The following DRC10 variants were observed in gnomAD, a reference collection of about 807,000 sequenced individuals.
DRC10 encodes IQ domain-containing protein D.
chr12:113,220,823 T>C, the DRC10 span, among the ~76,000 whole-genome samples: 4 of 152,296 alleles, frequency 2.6e-5, no homozygotes, highest in Non-Finnish European at 4.4e-5. Context: ...GCCGGCTCCC[T>C]GCAGGTTGTG....
the DRC10 span, chr12:113,207,950 C>T: frequency 6.2e-7 from 1 of 1,614,222 alleles, no homozygotes; most frequent in South Asian, 1.1e-5. Context: ...CTGTTGGATG[C>T]CACATACGAC....
chr12:113,208,061 GT>G, the DRC10 span: 1 of 1,614,200 alleles, frequency 6.2e-7, no homozygotes, highest in Non-Finnish European at 8.5e-7. Context: ...AGAACCAAGG[GT>G]TTTAGTGGAT....
chr12:113,204,403 G>T, the DRC10 span, among the ~76,000 whole-genome samples: 2 of 152,224 alleles, frequency 1.3e-5, no homozygotes, highest in Admixed American at 6.5e-5. Flanking sequence ...CATTACTGAG[G>T]TGCACTCTAC....
the DRC10 span, among the ~76,000 whole-genome samples, chr12:113,213,831 C>T: frequency 6.9e-4 from 105 of 152,174 alleles, no homozygotes; most frequent in Middle Eastern, 3.4e-3. Flanking sequence ...TGGTGGTGGG[C>T]ACCTGTGGAG....
chr12:113,216,200 A>G, the DRC10 span, among the ~76,000 whole-genome samples: 2 of 152,364 alleles, frequency 1.3e-5, no homozygotes, highest in East Asian at 1.9e-4. Flanking sequence ...AGTGTTAAAA[A>G]GAAATGAGCT....
chr12:113,203,909 A>T, the DRC10 span, among the ~76,000 whole-genome samples: 5 of 149,470 alleles, frequency 3.3e-5, no homozygotes, highest in African/African-American at 1.2e-4. Context: ...GGTGTGAGCC[A>T]CTACTTCCAG....
At chr12:113,209,578 G>A in the DRC10 span, among the ~76,000 whole-genome samples, 1 of 152,082 alleles carries the variant, frequency 6.6e-6, no homozygotes, top group African/African-American at 2.4e-5. Flanking sequence ...ATAGAGATGA[G>A]CTCCACTATG....
the DRC10 span, chr12:113,196,024 C>T: frequency 7.5e-6 from 10 of 1,334,894 alleles, no homozygotes; most frequent in East Asian, 1.0e-4. Context: ...CAGCATCTCT[C>T]GGTCCCAGTG....
the DRC10 span, among the ~76,000 whole-genome samples, chr12:113,214,507 C>CAAAAAAAAAA: frequency 1.0e-4 from 5 of 49,970 alleles, no homozygotes; most frequent in Admixed American, 2.0e-4. Context: ...GACTCCGTCT[C>CAAAAAAAAAA]AAAAAAAAAA....
chr12:113,205,034 C>A, the DRC10 span, among the ~76,000 whole-genome samples: 1 of 152,040 alleles, frequency 6.6e-6, no homozygotes, highest in African/African-American at 2.4e-5. Flanking sequence ...ATGTCCCTGA[C>A]CTTTTGGTGT....
the DRC10 span, chr12:113,197,723 T>G: frequency 4.3e-6 from 3 of 703,546 alleles, no homozygotes; most frequent in South Asian, 4.8e-5. Flanking sequence ...CCTCGCCTAT[T>G]GAACAAGGAG....
At chr12:113,199,342 G>A in the DRC10 span, among the ~76,000 whole-genome samples, 1 of 152,156 alleles carries the variant, frequency 6.6e-6, no homozygotes, top group Admixed American at 6.6e-5. Context: ...GCTGAAGTGA[G>A]CTATGATCAC....
the DRC10 span, among the ~76,000 whole-genome samples, chr12:113,196,420 C>T: frequency 6.6e-6 from 1 of 152,160 alleles, no homozygotes; most frequent in Non-Finnish European, 1.5e-5. Context: ...TATGTCTAAC[C>T]ATAGCCTCTC....
the DRC10 span, among the ~76,000 whole-genome samples, chr12:113,212,013 C>T: frequency 6.6e-6 from 1 of 151,300 alleles, no homozygotes; most frequent in African/African-American, 2.4e-5. Flanking sequence ...TACAGTGAGC[C>T]ATGATCGCAC....
At chr12:113,195,503 T>C in the DRC10 span, 1 of 1,489,722 alleles carries the variant, frequency 6.7e-7, no homozygotes, top group African/African-American at 1.4e-5. Context: ...GTGAATTTAG[T>C]GCTCTCCATC....
the DRC10 span, chr12:113,195,744 T>A: frequency 6.2e-7 from 1 of 1,613,940 alleles, no homozygotes; most frequent in Admixed American, 1.7e-5. Flanking sequence ...CATCTCCTGC[T>A]CTGCCTCCAT....
the DRC10 span, among the ~76,000 whole-genome samples, chr12:113,213,328 G>A: frequency 1.3e-5 from 2 of 152,082 alleles, no homozygotes; most frequent in African/African-American, 4.8e-5. Context: ...GGGGTTTGGT[G>A]TACAGATTAT....
At chr12:113,220,859 G>A in the DRC10 span, 1 of 251,662 alleles carries the variant, frequency 4.0e-6, no homozygotes, top group East Asian at 8.8e-5. Context: ...ACTAAGGCAG[G>A]AGCTGAGGGA....
chr12:113,204,135 A>T, the DRC10 span, among the ~76,000 whole-genome samples: 1 of 152,132 alleles, frequency 6.6e-6, no homozygotes, highest in African/African-American at 2.4e-5. Context: ...CAGCTACTCA[A>T]AAGGCTAAGG....
Sources: allele counts gnomAD v4.1 joint callset (sites outside exome capture counted in the v4.1 genomes callset), GRCh38; gene constraint gnomAD v4.1.1; transcripts MANE v1.5; gene names NCBI Gene and HGNC (gene_info 2026-07-23, HGNC 2026-07-21).